The following NNT variants were observed in gnomAD, a reference collection of about 807,000 sequenced individuals.
NNT encodes nicotinamide nucleotide transhydrogenase, also known as NAD(P) transhydrogenase, mitochondrial.
A neutral mutation model predicts 104.8 loss-of-function variants in NNT; 50 were observed. That is an observed-to-expected ratio of 0.48 (90% CI 0.38 to 0.60). NNT has a LOEUF of 0.60. NNT is among the 20% of genes least tolerant of loss of function. The probability of loss-of-function intolerance (pLI) is 0.00; values close to 1 mark genes in which losing one functional copy is unlikely to be tolerated. For missense variants in NNT, 1,131 were observed against 1,330.7 expected (o/e 0.85, Z 2.33); for synonymous variants, 461 against 490.4 (o/e 0.94, Z 0.79).
chr5:43,686,734 T>C (rs1350776723), intron 19 of NNT, among the ~76,000 whole-genome samples: 1 of 152,174 alleles, frequency 6.6e-6, no homozygotes, highest in Non-Finnish European at 1.5e-5. Flanking sequence ...AATTGCTGTG[T>C]ACATTTATTG....
At chr5:43,656,601 G>A (rs2111940821) in intron 15 of NNT, 52 bp from the exon 16 acceptor site, 1 of 1,489,040 alleles carries the variant, frequency 6.7e-7, no homozygotes, top group African/African-American at 1.4e-5. Context: ...TGAACTTTAT[G>A]TATTTTCTTA....
intron 18 of NNT, 63 bp from the exon 19 acceptor site, chr5:43,677,662 T>C (rs1741489499): frequency 1.4e-6 from 2 of 1,400,652 alleles, no homozygotes; most frequent in South Asian, 1.2e-5. Context: ...AAGAGAGAAG[T>C]TGTACTTCAT....
rs183490187 is a variant in NNT, at chr5:43,636,081, A to G, written c.964+7694A>G. Among the ~76,000 whole-genome samples, 269 of 152,282 alleles carry G rather than the reference A, an allele frequency of 1.8e-3. 1 individual carries two copies. Among genetic ancestry groups the G allele is most frequent in the African/African-American group, 6.1e-3 (255 of 41,564 alleles). ...AGTAGATTAAAATTCTGGTTCCACT[A>G]CTTAACAGCTGATTTGTCTCTCTGA... is the stretch of plus-strand genomic sequence containing the variant. On this transcript the variant is annotated intron_variant, in intron 7 of 21. Transcript: ENST00000344920.
chr5:43,644,379 G>C (rs3764979), intron 8 of NNT, 54 bp downstream of exon 8: 1 of 1,566,270 alleles, frequency 6.4e-7, no homozygotes, highest in Non-Finnish European at 8.6e-7. Flanking sequence ...TTGAGTTATG[G>C]GGGGGTGTTT....
chr5:43,688,987 T>C (rs1388583856), intron 19 of NNT, among the ~76,000 whole-genome samples: 4 of 152,234 alleles, frequency 2.6e-5, no homozygotes, highest in Non-Finnish European at 5.9e-5. Flanking sequence ...CCATAGTGTA[T>C]TGTACTAGTT....
chr5:43,695,738 G>A (rs545098947), intron 19 of NNT, among the ~76,000 whole-genome samples: 1 of 152,322 alleles, frequency 6.6e-6, no homozygotes, highest in African/African-American at 2.4e-5. Flanking sequence ...TGGACTTGCA[G>A]CTCCACATGG....
At position 43,613,232 on chromosome 5, in the gene NNT, T is replaced by C. The variant is rs1749596430; in HGVS notation, c.381+95T>C. ...AATTACTTTATCTGGAGTTACACCT[T>C]TTCCTATTTTCAAACAGTGTATTTT... is the stretch of plus-strand genomic sequence containing the variant. On this transcript the variant is annotated intron_variant, in intron 3 of 21. Coordinates refer to ENST00000344920, the MANE Select transcript of NNT (RefSeq NM_182977.3). The C allele has an allele frequency of 9.7e-6, 9 of 931,282 alleles. No homozygotes were observed. The Admixed American group carries it at 2.5e-4, about 26-fold the overall frequency. 57.7% of individuals were successfully genotyped at this position (931,282 alleles called of 1,614,324 possible). A position where few individuals can be genotyped will look rare whatever the true frequency, so the allele number is the denominator to read the frequency against.
In NNT at chr5:43,628,319, C is replaced by T; in HGVS notation, c.896C>T (p.Ala299Val). ...GAGATGTCCAAAGAGTTCATTGAAG[C>T]TGAAATGAAACTCTTTGCTCAACAA... ...AKEMSKEFIE[A>V]EMKLFAQQCK... Residue 299 changes from alanine (A) to valine (V), a missense_variant, in exon 7 of 22, where the codon GCT (alanine) becomes GTT (valine). Physicochemically the swap from Ala to Val is moderately conservative, Grantham distance 64 (BLOSUM62 0). Transcript: ENST00000344920. 1 of 1,613,780 alleles carries T rather than the reference C, an allele frequency of 6.2e-7. No homozygotes were observed. Among genetic ancestry groups the T allele is most frequent in the Non-Finnish European group, 8.5e-7 (1 of 1,179,904 alleles).
At chr5:43,661,389 T>TTTTATTTA (rs372098953) in intron 17 of NNT, among the ~76,000 whole-genome samples, 4,056 of 151,172 alleles carry the variant, frequency 0.027, 76 homozygotes, top group South Asian at 0.052. Context: ...AGAAAGTGGC[T>TTTTATTTA]TTTATTTATT....
Position 43,655,911 on chromosome 5 carries a change from G to A in NNT, c.2131G>A (p.Gly711Ser), listed in dbSNP as rs774541382. The A allele has an allele frequency of 6.2e-7, 1 of 1,614,184 alleles. No individual in the cohort carries two copies. The highest frequency in any genetic ancestry group is 8.5e-7 in the Non-Finnish European group (1 of 1,180,034). Residue 711 changes from glycine (G) to serine (S), a missense_variant, in exon 15 of 22, where the codon GGT becomes AGT. Gly to Ser is a moderately conservative substitution (Grantham distance 56). Transcript: ENST00000344920. Reference protein sequence around the residue: ...QLVAAFHSLVGLAAVLTCIAE... With the variant: ...QLVAAFHSLVSLAAVLTCIAE... ...AGTTGCTGCTTTTCACAGTTTAGTGGGTTTGGCAGCTGTACTTACTTGCAT... is the reference window on the plus strand; with the variant it reads ...AGTTGCTGCTTTTCACAGTTTAGTGAGTTTGGCAGCTGTACTTACTTGCAT...
chr5:43,628,743 C>T (rs541524071), intron 7 of NNT, among the ~76,000 whole-genome samples: 5 of 152,194 alleles, frequency 3.3e-5, no homozygotes, highest in African/African-American at 9.6e-5. Flanking sequence ...TCCACCACCA[C>T]GTCTGGTTAA....
rs1223955674 is a variant in NNT, at chr5:43,705,208, A to G, written c.*804A>G. The G allele has an allele frequency of 6.6e-6, 1 of 152,180 alleles. No individual in the cohort carries two copies. The highest frequency in any genetic ancestry group is 1.5e-5 in the Non-Finnish European group (1 of 68,002). The allele number at this position is 152,180 out of a possible 1,614,324, so 9.4% of individuals were successfully genotyped here. A position where few individuals can be genotyped will look rare whatever the true frequency, so the allele number is the denominator to read the frequency against. On this transcript the variant is annotated 3_prime_UTR_variant, in exon 22 of 22. Coordinates refer to ENST00000344920, the MANE Select transcript of NNT (RefSeq NM_182977.3). ...CTTGAGTGGAATTCAACATTTGACT[A>G]ATAAAATGAGTTCATCATGTTGGCA...
chr5:43,656,012 C>A lies in NNT; in HGVS notation c.2232C>A (p.Leu744=). The change falls in exon 15 of 22, where the codon CTC becomes CTA. Residue 744 remains leucine, a synonymous_variant. Transcript: ENST00000344920. The stretch of plus-strand genomic sequence containing the variant: ...ATCTCACCAAGATTGTGGCCTACCT[C>A]GGCACTTACATTGGTGGCGTCACCT... ...AANLTKIVAY[L]GTYIGGVTFS... 1 of 1,614,194 alleles carries A rather than the reference C, an allele frequency of 6.2e-7. No homozygotes were observed. The highest frequency in any genetic ancestry group is 8.5e-7 in the Non-Finnish European group (1 of 1,180,038).
chr5:43,664,148 C>T (rs560219034), intron 17 of NNT, among the ~76,000 whole-genome samples: 1 of 152,174 alleles, frequency 6.6e-6, no homozygotes, highest in African/African-American at 2.4e-5. Context: ...TACACAATAC[C>T]CAAGATTATA....
chr5:43,683,205 G>A (rs1580110071), intron 19 of NNT, among the ~76,000 whole-genome samples: 1 of 152,208 alleles, frequency 6.6e-6, no homozygotes, highest in South Asian at 2.1e-4. Context: ...AACTTTGATG[G>A]AAGAGAGGAA....
chr5:43,623,784 T>C (rs1211731177), intron 5 of NNT, among the ~76,000 whole-genome samples: 2 of 152,214 alleles, frequency 1.3e-5, no homozygotes. Flanking sequence ...TATTAGGCTA[T>C]TTTTAGTGAA....
At chr5:43,604,985 C>T (rs898932198) in intron 1 of NNT, among the ~76,000 whole-genome samples, 1 of 152,060 alleles carries the variant, frequency 6.6e-6, no homozygotes, top group Non-Finnish European at 1.5e-5. Flanking sequence ...GCTATTATTC[C>T]CCATTTTAAA....
chr5:43,620,455 T>C (rs1255688207), intron 5 of NNT, among the ~76,000 whole-genome samples: 1 of 151,964 alleles, frequency 6.6e-6, no homozygotes, highest in African/African-American at 2.4e-5. Flanking sequence ...CTCTTGACCT[T>C]GTGATCCGCC....
chr5:43,622,775 CT>C, intron 5 of NNT, among the ~76,000 whole-genome samples: 1 of 151,866 alleles, frequency 6.6e-6, no homozygotes, highest in Middle Eastern at 3.4e-3. Flanking sequence ...CTCACTGTGT[CT>C]TTTTCTTTAC....
Sources: allele counts gnomAD v4.1 joint callset (sites outside exome capture counted in the v4.1 genomes callset), GRCh38; gene constraint gnomAD v4.1.1; transcripts MANE v1.5; gene names NCBI Gene and HGNC (gene_info 2026-07-23, HGNC 2026-07-21).